NAV1: variants seen among roughly 807,000 people sequenced by gnomAD.
NAV1 encodes the protein neuron navigator 1.
Under a neutral mutation model 175.2 loss-of-function variants are expected in NAV1, and 18 were observed. The observed-to-expected ratio is 0.10, with a 90% confidence interval of 0.07 to 0.15. The LOEUF is 0.15. NAV1 is among the 10% of genes least tolerant of loss of function. NAV1 has a pLI of 1.00. For synonymous variants in NAV1, 897 were observed against 978.7 expected (o/e 0.92, Z 1.56); for missense variants, 1,731 against 2,436.6 (o/e 0.71, Z 6.10).
chr1:201,719,316 C>G (rs2102487171), intron 3 of NAV1, among the ~76,000 whole-genome samples: 1 of 152,208 alleles, frequency 6.6e-6, no homozygotes, highest in South Asian at 2.1e-4. Flanking sequence ...CCCTATCCGA[C>G]CCCTGTGGTC....
At chr1:201,709,145 C>A (rs1256462) in intron 1 of NAV1, among the ~76,000 whole-genome samples, 122,499 of 143,990 alleles carry the variant, frequency 0.85, 51,506 homozygotes, top group East Asian at 0.92. Context: ...ACCCTGTCTC[C>A]AAAAAAAAAA....
chr1:201,661,814 G>T (rs1218434138), intron 1 of NAV1, among the ~76,000 whole-genome samples: 1 of 152,182 alleles, frequency 6.6e-6, no homozygotes, highest in Non-Finnish European at 1.5e-5. Context: ...TTCCCAGAGT[G>T]CTGCATCTAG....
chr1:201,723,851 A>G (rs1485729310), intron 3 of NAV1: 1 of 152,248 alleles, frequency 6.6e-6, no homozygotes. Flanking sequence ...CTACCTATTG[A>G]TTCAAATTCT....
rs1558191221 is a variant in NAV1 at position 201,809,942 on chromosome 1, T to C, written c.4402-4T>C. ...CTTCTTCTTCTGCCTGTCTTTTCTGTCAGGACTATATTTCTAAAATGGACC... is the reference window on the plus strand; with the variant it reads ...CTTCTTCTTCTGCCTGTCTTTTCTGCCAGGACTATATTTCTAAAATGGACC... On this transcript the variant is annotated splice_region_variant and splice_polypyrimidine_tract_variant and intron_variant, in intron 22 of 29. Transcript: ENST00000367296. The C allele has an allele frequency of 6.2e-7, 1 of 1,607,850 alleles. No individual in the cohort carries two copies.
At chr1:201,699,192 C>T (rs1461250232) in intron 1 of NAV1, among the ~76,000 whole-genome samples, 1 of 152,186 alleles carries the variant, frequency 6.6e-6, no homozygotes, top group East Asian at 1.9e-4. Context: ...TAGAAAACCC[C>T]ATCATCTCAG....
chr1:201,777,679 G>T (rs970504367), intron 3 of NAV1, among the ~76,000 whole-genome samples: 1 of 151,684 alleles, frequency 6.6e-6, no homozygotes, highest in African/African-American at 2.4e-5. Context: ...GGCTGGGTGC[G>T]GTGGCTCACA....
In NAV1 at chr1:201,694,326, G is replaced by C. The variant is rs1265526903; in HGVS notation, c.758-18491G>C. On this transcript the variant is annotated intron_variant, in intron 1 of 29. Transcript: ENST00000367296. The surrounding 1 kb of genome is among the most constrained non-coding windows in gnomAD (Gnocchi z 4.2). ...AAGGGACTCCCTTTGTTCTTTGAAG[G>C]AGGGAAAGGAAGTGCTGAATGGAGC... 6.6e-6 allele frequency among the ~76,000 whole-genome samples: 1 copy of C among 152,216 alleles called. No individual in the cohort carries two copies. Among genetic ancestry groups the C allele is most frequent in the Non-Finnish European group, 1.5e-5 (1 of 68,034 alleles).
At chr1:201,557,091 AG>A in intron 1 of NAV1, among the ~76,000 whole-genome samples, 1 of 141,130 alleles carries the variant, frequency 7.1e-6, no homozygotes, top group East Asian at 2.0e-4. Flanking sequence ...AGGAAGCCCT[AG>A]GGAAGTCCAG....
chr1:201,589,501 C>T (rs1037904415), intron 2 of NAV1, among the ~76,000 whole-genome samples: 5 of 151,966 alleles, frequency 3.3e-5, no homozygotes, highest in African/African-American at 1.2e-4. Context: ...TTTTGTTTTT[C>T]GTTTTTTTGA....
At chr1:201,683,424 T>C (rs576959687) in intron 1 of NAV1, among the ~76,000 whole-genome samples, 2 of 152,270 alleles carry the variant, frequency 1.3e-5, no homozygotes, top group South Asian at 4.2e-4. Context: ...GAGATGAAAC[T>C]GCTCCACTTC....
intron 3 of NAV1, among the ~76,000 whole-genome samples, chr1:201,720,965 TG>T (rs75241949): frequency 0.022 from 3,279 of 152,078 alleles, 104 homozygotes; most frequent in East Asian, 0.11. Flanking sequence ...TGTGGGGGCA[TG>T]GAATGCAGGG....
At chr1:201,629,122 C>T (rs1668416063) in intron 1 of NAV1, among the ~76,000 whole-genome samples, 2 of 152,170 alleles carry the variant, frequency 1.3e-5, no homozygotes, top group African/African-American at 4.8e-5. Context: ...TGATAACGTT[C>T]CTGGGAAATG....
exon 7 of NAV1, chr1:201,783,766 C>T (rs761161142): frequency 6.2e-7 from 1 of 1,614,166 alleles, no homozygotes. Context: ...CCGTCCCCAC[C>T]CCACCTGCTC....
chr1:201,754,674 C>G (rs12116633), intron 3 of NAV1, among the ~76,000 whole-genome samples: 37,553 of 152,098 alleles, frequency 0.25, 5,677 homozygotes, highest in Non-Finnish European at 0.34. Context: ...AGTGATGAGG[C>G]AGCAGGATCA....
chr1:201,706,277 G>GTC (rs1553256689), intron 1 of NAV1, among the ~76,000 whole-genome samples: 1 of 151,460 alleles, frequency 6.6e-6, no homozygotes. Flanking sequence ...GTGTGTGTGT[G>GTC]TGTCTGTGTG....
intron 2 of NAV1, among the ~76,000 whole-genome samples, chr1:201,594,739 C>G (rs1428493758): frequency 6.6e-6 from 1 of 152,160 alleles, no homozygotes; most frequent in East Asian, 1.9e-4. Flanking sequence ...TCTGGACAGC[C>G]TTGTCTGTGT....
At chr1:201,693,483 G>A (rs1228166803) in intron 1 of NAV1, among the ~76,000 whole-genome samples, 2 of 152,190 alleles carry the variant, frequency 1.3e-5, no homozygotes, top group African/African-American at 2.4e-5. Context: ...AGCTACATAA[G>A]GGATGTAGTG....
Position 201,808,749 on chromosome 1 carries a change from C to T in NAV1, c.4085C>T (p.Ala1362Val), listed in dbSNP as rs750648156. 12 of 1,614,206 alleles carry T rather than the reference C, an allele frequency of 7.4e-6. No individual in the cohort carries two copies. The highest frequency in any genetic ancestry group is 9.3e-6 in the Non-Finnish European group (11 of 1,180,042). ...GCAGAGAATGACCGACTGAAGGTAG[C>T]CCCAGGCCCCTCATCAGGCTCCACT... Residue 1362 changes from alanine to valine, a missense_variant, in exon 20 of 30, where the codon GCC (alanine) becomes GTC (valine). Transcript: ENST00000367296. This position sits in a 1 kb window ranked among gnomAD's most constrained non-coding sequence, Gnocchi z 5.5.
rs1263929676 is a variant in NAV1, at chr1:201,787,314, A to G, written c.2995+737A>G. Among the ~76,000 whole-genome samples, 1 of 152,190 alleles carries G rather than the reference A, an allele frequency of 6.6e-6. No individual in the cohort carries two copies. Among genetic ancestry groups the G allele is most frequent in the Non-Finnish European group, 1.5e-5 (1 of 68,036 alleles). ...GATAGGCCTGTTATCTGCTTGCTGC[A>G]TCTCTTTAAATCCATCTCTTCTTTC... is the stretch of plus-strand genomic sequence containing the variant. On this transcript the variant is annotated intron_variant, in intron 9 of 29. Coordinates refer to ENST00000367296, the Ensembl canonical transcript of NAV1. This position sits in a 1 kb window ranked among gnomAD's most constrained non-coding sequence, Gnocchi z 4.3.
Sources: gnomAD v4.1 joint callset for allele counts (sites outside exome capture counted in the v4.1 genomes callset) on GRCh38, gnomAD v4.1.1 for gene constraint, Gnocchi (gnomAD v3.1) non-coding constraint, MANE v1.5 for transcripts, NCBI Gene and HGNC (gene_info 2026-07-23, HGNC 2026-07-21) for gene names.